Variants in PTDSS1 observed in about 807,000 individuals in gnomAD.
PTDSS1 encodes the protein PSS-1.
A neutral mutation model predicts 70.5 loss-of-function variants in PTDSS1; 45 were observed. That is an observed-to-expected ratio of 0.64 (90% CI 0.50 to 0.82). The LOEUF (loss-of-function observed/expected upper bound fraction) is 0.82. PTDSS1 is among the 40% of genes least tolerant of loss of function. PTDSS1 has a pLI of 0.00. For synonymous variants in PTDSS1, 188 were observed against 203.8 expected (o/e 0.92, Z 0.66); for missense variants, 417 against 586.1 (o/e 0.71, Z 2.98).
At chr8:96,317,059 G>A (rs868281949) in intron 9 of PTDSS1, among the ~76,000 whole-genome samples, 2 of 112,758 alleles carry the variant, frequency 1.8e-5, no homozygotes, top group Admixed American at 8.3e-5. Context: ...ATATATATAT[G>A]TGTGTGTGTG....
intron 9 of PTDSS1, among the ~76,000 whole-genome samples, chr8:96,310,800 T>C (rs1395082913): frequency 6.6e-6 from 1 of 151,904 alleles, no homozygotes; most frequent in African/African-American, 2.4e-5. Context: ...GACGGAGTGT[T>C]CTGTCGCCAG....
chr8:96,304,617 T>G (rs967043339), intron 7 of PTDSS1, among the ~76,000 whole-genome samples: 1 of 152,172 alleles, frequency 6.6e-6, no homozygotes, highest in African/African-American at 2.4e-5. Flanking sequence ...GCTAAATGAG[T>G]GCTGGGGAAT....
intron 9 of PTDSS1, among the ~76,000 whole-genome samples, chr8:96,312,590 T>A (rs969472194): frequency 6.6e-6 from 1 of 152,128 alleles, no homozygotes; most frequent in African/African-American, 2.4e-5. Context: ...GAGAGATCAC[T>A]GGGCTTAGTG....
At chr8:96,268,841 C>G (rs562665680) in intron 1 of PTDSS1, among the ~76,000 whole-genome samples, 1 of 152,128 alleles carries the variant, frequency 6.6e-6, no homozygotes, top group African/African-American at 2.4e-5. Flanking sequence ...AGAGGGAAGT[C>G]GCTGCCAGTG....
chr8:96,323,619 C>T (rs558001419), intron 10 of PTDSS1, among the ~76,000 whole-genome samples: 39 of 152,198 alleles, frequency 2.6e-4, no homozygotes, highest in Admixed American at 1.2e-3. Context: ...TCAGTGAGCC[C>T]GTGGAGGGCT....
At chr8:96,283,325 C>T (rs1382773455) in intron 2 of PTDSS1, among the ~76,000 whole-genome samples, 1 of 152,224 alleles carries the variant, frequency 6.6e-6, no homozygotes, top group Non-Finnish European at 1.5e-5. Flanking sequence ...CTGCATAGAA[C>T]AGGTACTCAC....
chr8:96,309,725 A>C, intron 9 of PTDSS1, 103 bp downstream of exon 9: 1 of 1,071,920 alleles, frequency 9.3e-7, no homozygotes, highest in Non-Finnish European at 1.4e-6. Context: ...TAATTTTTCT[A>C]TGAAGACAGG....
chr8:96,278,109 A>G (rs1487406352), intron 2 of PTDSS1, among the ~76,000 whole-genome samples: 1 of 152,190 alleles, frequency 6.6e-6, no homozygotes, highest in African/African-American at 2.4e-5. Flanking sequence ...GTGGCAGGCA[A>G]TGGCCAGCAG....
At chr8:96,301,315 C>T (rs1811047014) in intron 6 of PTDSS1, among the ~76,000 whole-genome samples, 1 of 151,900 alleles carries the variant, frequency 6.6e-6, no homozygotes, top group Non-Finnish European at 1.5e-5. Flanking sequence ...AGGCTGGTCT[C>T]GAACTCCTGA....
rs1586216461 is a variant in PTDSS1 at position 96,336,320 on chromosome 8, C to T, written c.*2754C>T. 1 of 151,998 alleles carries T rather than the reference C, an allele frequency of 6.6e-6. No homozygotes were observed. The highest frequency in any genetic ancestry group is 6.5e-5 in the Admixed American group (1 of 15,286). The allele number at this position is 151,998 out of a possible 1,614,324, so 9.4% of individuals were successfully genotyped here. Reference sequence around the variant, plus strand: ...CCCTCAGAAGCCACCGTGTAGCACCCTGGAATGATGCCTCTTTATGCCAAG... The same window carrying T: ...CCCTCAGAAGCCACCGTGTAGCACCTTGGAATGATGCCTCTTTATGCCAAG... On this transcript the variant is annotated 3_prime_UTR_variant, in exon 13 of 13. Transcript: ENST00000517309.
chr8:96,278,972 CTTT>C (rs36085094), intron 2 of PTDSS1, among the ~76,000 whole-genome samples: 6 of 122,620 alleles, frequency 4.9e-5, no homozygotes, highest in African/African-American at 9.7e-5. Context: ...TTCAGCCCCC[CTTT>C]TTTTTTTTTT....
chr8:96,324,707 C>T (rs761324253), intron 10 of PTDSS1, among the ~76,000 whole-genome samples: 5 of 152,198 alleles, frequency 3.3e-5, no homozygotes, highest in Admixed American at 2.0e-4. Context: ...AAAGGCCCCA[C>T]CTCCTAATAC....
intron 9 of PTDSS1, among the ~76,000 whole-genome samples, chr8:96,311,008 A>G (rs1383711401): frequency 1.3e-5 from 2 of 151,548 alleles, no homozygotes; most frequent in Non-Finnish European, 2.9e-5. Flanking sequence ...CTCGTGATCC[A>G]CCCACCTTCT....
At chr8:96,305,685 T>C (rs1180917422) in intron 7 of PTDSS1, among the ~76,000 whole-genome samples, 1 of 152,198 alleles carries the variant, frequency 6.6e-6, no homozygotes, top group Non-Finnish European at 1.5e-5. Flanking sequence ...GCTTCTTTTT[T>C]TGCTTTTTTT....
intron 11 of PTDSS1, chr8:96,330,810 T>G: frequency 1.8e-6 from 1 of 551,750 alleles, no homozygotes. Context: ...TCTAAAGAAC[T>G]TAAGGCATGT....
chr8:96,324,423 GT>G (rs1811411428), intron 10 of PTDSS1, among the ~76,000 whole-genome samples: 1 of 152,152 alleles, frequency 6.6e-6, no homozygotes, highest in Non-Finnish European at 1.5e-5. Flanking sequence ...TTCTGTCTTA[GT>G]CCATTTTCTG....
intron 10 of PTDSS1, among the ~76,000 whole-genome samples, chr8:96,326,972 A>G (rs1811446885): frequency 6.6e-6 from 1 of 152,156 alleles, no homozygotes; most frequent in Non-Finnish European, 1.5e-5. Context: ...TGCCACTCCA[A>G]AGGTTCTAAC....
chr8:96,286,645 C>T (rs1017012261), intron 3 of PTDSS1, among the ~76,000 whole-genome samples: 1 of 152,208 alleles, frequency 6.6e-6, no homozygotes, highest in Non-Finnish European at 1.5e-5. Flanking sequence ...ATTCCCCTCT[C>T]TGCCAGTGCT....
In PTDSS1 at chr8:96,295,153, A is replaced by G. The variant is rs1291828630; in HGVS notation, c.497A>G (p.Asp166Gly). The G allele has an allele frequency of 6.2e-6, 10 of 1,613,954 alleles. No individual in the cohort carries two copies. Among genetic ancestry groups the G allele is most frequent in the Non-Finnish European group, 7.6e-6 (9 of 1,179,994 alleles). The change falls in exon 5 of 13, where the codon GAT becomes GGT. Residue 166 changes from aspartate (D) to glycine (G), a missense_variant. Transcript: ENST00000517309. ...ITWERIISHF[D>G]IFAFGHFWGW... ...TGGGAGAGGATTATCAGCCACTTTG[A>G]TATTTTTGCATTTGGACATTTCTGG...
Sources: gnomAD v4.1 joint callset for allele counts (sites outside exome capture counted in the v4.1 genomes callset) on GRCh38, gnomAD v4.1.1 for gene constraint, MANE v1.5 for transcripts, NCBI Gene and HGNC (gene_info 2026-07-23, HGNC 2026-07-21) for gene names.